POLA1: variants seen among roughly 807,000 people sequenced by gnomAD.
POLA1 encodes the protein DNA polymerase alpha 1, catalytic subunit.
In POLA1, 15 loss-of-function variants were observed where a neutral mutation model predicts 124.0. The ratio of observed to expected loss-of-function variants is 0.12; its 90% CI spans 0.08 to 0.19. The LOEUF (loss-of-function observed/expected upper bound fraction) is 0.19, where lower values mean the gene tolerates loss of function less well. Ranked by LOEUF, POLA1 falls within the 10% of genes least tolerant of loss-of-function variation. POLA1 has a pLI of 1.00. For synonymous variants in POLA1, 408 were observed against 389.4 expected, an observed-to-expected ratio of 1.05 and a Z score of -0.56; for missense variants, 886 against 1,103.4, an observed-to-expected ratio of 0.80 and a Z score of 2.79.
At position 24,930,470 on chromosome X, in the gene POLA1, G is replaced by A; in HGVS notation, c.4182G>A (p.Leu1394=). 8.4e-7 allele frequency: 1 copy of A among 1,185,607 alleles called. No homozygotes were observed. The highest frequency in any genetic ancestry group is 1.1e-6 in the Non-Finnish European group (1 of 871,502). Residue 1394 remains leucine, a synonymous_variant, in exon 36 of 37, where the codon CTG becomes CTA. Coordinates refer to ENST00000379068, the MANE Select transcript of POLA1 (RefSeq NM_001330360.2). ...TATTACAGTATTCTGACAAGTCCCT[G>A]TACACCCAGCTGTGCTTTTACCGGT... ...TLQPEYSDKS[L]YTQLCFYRYI...
chrX:24,781,141 T>C (rs1250997015), intron 26 of POLA1, among the ~76,000 whole-genome samples: 1 of 111,817 alleles, frequency 8.9e-6, no homozygotes, highest in Non-Finnish European at 1.9e-5. Context: ...TCATCTCTTA[T>C]TGCTGATGTT....
At chrX:24,714,704 C>T in intron 5 of POLA1, 35 bp downstream of exon 5, 1 of 818,197 alleles carries the variant, frequency 1.2e-6, no homozygotes, top group Non-Finnish European at 1.8e-6. Flanking sequence ...TTTGTATTTT[C>T]CTTTGTGAGG....
rs765216952 is a variant in POLA1 at position 24,890,684 on chromosome X, C to T, written c.4164+2562C>T. On this transcript the variant is annotated intron_variant, in intron 35 of 36. Coordinates refer to ENST00000379068, the MANE Select transcript of POLA1 (RefSeq NM_001330360.2). ...CCATAGCCTTTCTAACATTTGGACA[C>T]TATCATTTATTTTTTAAAACTAATT... Among the ~76,000 whole-genome samples, 3 of 112,536 alleles carry T rather than the reference C, an allele frequency of 2.7e-5. No individual in the cohort carries two copies. In the East Asian group the frequency reaches 8.3e-4, roughly 31 times the overall value.
At chrX:24,937,539 A>G (rs1298977923) in intron 36 of POLA1, among the ~76,000 whole-genome samples, 2 of 112,320 alleles carry the variant, frequency 1.8e-5, no homozygotes, top group South Asian at 3.7e-4. Context: ...TAATTTCACA[A>G]TTGAGGGAAA....
intron 36 of POLA1, among the ~76,000 whole-genome samples, chrX:24,964,294 A>C (rs1304578294): frequency 8.9e-6 from 1 of 112,505 alleles, no homozygotes; most frequent in Non-Finnish European, 1.9e-5. Context: ...AGTTGATTGT[A>C]TGTAAAGATT....
At chrX:24,787,902 T>C (rs2045397002) in intron 26 of POLA1, among the ~76,000 whole-genome samples, 1 of 111,952 alleles carries the variant, frequency 8.9e-6, no homozygotes, top group Non-Finnish European at 1.9e-5. Context: ...ATAAGGATGC[T>C]ACAAGAAAAT....
chrX:24,931,519 G>A (rs777486439), intron 36 of POLA1, among the ~76,000 whole-genome samples: 38 of 111,843 alleles, frequency 3.4e-4, no homozygotes, highest in Admixed American at 5.7e-4. Context: ...GACTTATTTG[G>A]TTTTGCTGTC....
chrX:24,939,257 G>A (rs765303021), intron 36 of POLA1, among the ~76,000 whole-genome samples: 1 of 111,754 alleles, frequency 8.9e-6, no homozygotes, highest in South Asian at 3.7e-4. Flanking sequence ...GTTTTTTTAT[G>A]TACTTCTTAA....
chrX:24,789,147 A>C, intron 26 of POLA1: 1 of 932,292 alleles, frequency 1.1e-6, no homozygotes. Flanking sequence ...TAGTAGTGGA[A>C]GTCCTAGGCA....
chrX:24,946,432 T>TG (rs2047961709), intron 36 of POLA1, among the ~76,000 whole-genome samples: 1 of 111,748 alleles, frequency 8.9e-6, no homozygotes, highest in South Asian at 3.8e-4. Flanking sequence ...TGGCTATAGC[T>TG]GGAGTTATAA....
intron 36 of POLA1, among the ~76,000 whole-genome samples, chrX:24,967,958 G>GAGC (rs1336908382): frequency 9.0e-6 from 1 of 111,460 alleles, no homozygotes; most frequent in East Asian, 2.8e-4. Flanking sequence ...TTTAAACTGC[G>GAGC]AGCACTAAAT....
intron 26 of POLA1, among the ~76,000 whole-genome samples, chrX:24,763,894 A>G (rs1932843253): frequency 8.9e-6 from 1 of 111,779 alleles, no homozygotes; most frequent in Admixed American, 9.5e-5. Flanking sequence ...CAAGAATCTG[A>G]GGCACAAGGA....
intron 23 of POLA1, chrX:24,744,413 A>G (rs1931867092): frequency 3.2e-6 from 1 of 312,100 alleles, no homozygotes. Context: ...ACTATCCTAT[A>G]TGTTTGCAAT....
At chrX:24,879,718 T>C (rs1030142204) in intron 34 of POLA1, among the ~76,000 whole-genome samples, 1 of 111,989 alleles carries the variant, frequency 8.9e-6, no homozygotes, top group African/African-American at 3.2e-5. Flanking sequence ...TTTTACAGAA[T>C]AGACTTGAAT....
At chrX:24,723,497 G>A (rs1012810947) in intron 11 of POLA1, among the ~76,000 whole-genome samples, 1 of 111,894 alleles carries the variant, frequency 8.9e-6, no homozygotes, top group Non-Finnish European at 1.9e-5. Flanking sequence ...GAGTATAAAA[G>A]TTTCTGAGAT....
At chrX:24,845,657 T>G (rs942507726) in intron 34 of POLA1, among the ~76,000 whole-genome samples, 1 of 111,840 alleles carries the variant, frequency 8.9e-6, no homozygotes, top group Admixed American at 9.5e-5. Context: ...CAGTGTGATA[T>G]ATCATGGTGA....
chrX:24,814,803 T>TA (rs772460006), intron 29 of POLA1, among the ~76,000 whole-genome samples, 176 bp from the exon 30 acceptor site: 1 of 111,960 alleles, frequency 8.9e-6, no homozygotes, highest in African/African-American at 3.2e-5. Flanking sequence ...GAGTTGGTGT[T>TA]AAAAAACAAA....
chrX:24,926,859 C>A (rs1359962524), intron 35 of POLA1, among the ~76,000 whole-genome samples: 3 of 108,299 alleles, frequency 2.8e-5, no homozygotes, highest in Non-Finnish European at 3.8e-5. Context: ...TGAGATGGAG[C>A]CTCACTCTTT....
At chrX:24,801,849 T>C (rs151302711) in intron 26 of POLA1, among the ~76,000 whole-genome samples, 1,093 of 109,163 alleles carry the variant, frequency 0.01, 8 homozygotes, top group Non-Finnish European at 0.015. Context: ...TTATTAGCAG[T>C]GCTATTAGGC....
Sources: gnomAD v4.1 joint callset for allele counts (sites outside exome capture counted in the v4.1 genomes callset) on GRCh38, gnomAD v4.1.1 for gene constraint, MANE v1.5 for transcripts, NCBI Gene and HGNC (gene_info 2026-07-23, HGNC 2026-07-21) for gene names.